STXBP4: variants seen among roughly 807,000 people sequenced by gnomAD.
STXBP4 encodes the protein syntaxin binding protein 4.
STXBP4 carries 55 observed loss-of-function variants against 76.1 expected under a neutral mutation model. That is an observed-to-expected ratio of 0.72 (90% confidence interval 0.58 to 0.91). The LOEUF (loss-of-function observed/expected upper bound fraction) is 0.91, where lower values mean the gene tolerates loss of function less well. Ranked by LOEUF, STXBP4 falls within the 40% of genes least tolerant of loss-of-function variation. STXBP4 has a pLI of 0.00. For synonymous variants in STXBP4, 201 were observed against 220.2 expected (o/e 0.91, Z 0.77); for missense variants, 618 against 636.9 (o/e 0.97, Z 0.32).
chr17:54,990,915 G>T lies in STXBP4; in HGVS notation c.138G>T (p.Leu46Phe). 1.9e-6 allele frequency: 3 copies of T among 1,603,200 alleles called. No individual in the cohort carries two copies. Among genetic ancestry groups the T allele is most frequent in the Middle Eastern group, 1.7e-4 (1 of 6,038 alleles). Residue 46 changes from leucine (L) to phenylalanine (F), a missense_variant, in exon 4 of 18, where the codon TTG (leucine) becomes TTT (phenylalanine). Coordinates refer to ENST00000376352, the MANE Select transcript of STXBP4 (RefSeq NM_178509.6). ...GAATTAACCGGAATGAAGGCCCATT[G>T]GTATATATTCAGGAAATTATTCCTG... ...LGGINRNEGP[L>F]VYIQEIIPGG...
At chr17:55,039,876 A>C (rs1043988651) in intron 10 of STXBP4, among the ~76,000 whole-genome samples, 1 of 152,170 alleles carries the variant, frequency 6.6e-6, no homozygotes, top group East Asian at 1.9e-4. Context: ...AGAGAGATTT[A>C]AGAAGCTGGC....
At position 55,000,945 on chromosome 17, in the gene STXBP4, G is replaced by T. The variant is rs1408157789; in HGVS notation, c.574+62G>T. On this transcript the variant is annotated intron_variant, in intron 7 of 17. Transcript: ENST00000376352. ...TTTCAATTCTCTCTCAATGAGGAGT[G>T]TGTAATGTGACTTAAGACTTTGAAG... 6 of 1,139,880 alleles carry T rather than the reference G, an allele frequency of 5.3e-6. No homozygotes were observed. The East Asian group carries it at 1.5e-4, about 28-fold the overall frequency. 70.6% of individuals were successfully genotyped at this position (1,139,880 alleles called of 1,614,324 possible). A position where few individuals can be genotyped will look rare whatever the true frequency, so the allele number is the denominator to read the frequency against.
chr17:55,059,848 T>G (rs1204019361), intron 12 of STXBP4, among the ~76,000 whole-genome samples: 1 of 152,116 alleles, frequency 6.6e-6, no homozygotes, highest in Non-Finnish European at 1.5e-5. Context: ...AAAAGGTCTA[T>G]GCAGAAGACA....
At chr17:55,198,943 G>C in the STXBP4 span, among the ~76,000 whole-genome samples, 1 of 152,116 alleles carries the variant, frequency 6.6e-6, no homozygotes, top group African/African-American at 2.4e-5. Flanking sequence ...TCACTCTTTG[G>C]AGTACTATAA....
At chr17:55,148,307 T>C (rs951192125) in intron 17 of STXBP4, among the ~76,000 whole-genome samples, 3 of 152,220 alleles carry the variant, frequency 2.0e-5, no homozygotes, top group African/African-American at 7.2e-5. Flanking sequence ...TTACATTGTG[T>C]CATCTCATTT....
At chr17:55,194,333 T>A in the STXBP4 span, among the ~76,000 whole-genome samples, 1 of 152,136 alleles carries the variant, frequency 6.6e-6, no homozygotes, top group East Asian at 1.9e-4. Context: ...GGCATTCTTA[T>A]TTGTGTGTGT....
intron 12 of STXBP4, among the ~76,000 whole-genome samples, chr17:55,060,451 T>C (rs1461386554): frequency 2.0e-5 from 3 of 152,130 alleles, no homozygotes; most frequent in African/African-American, 7.2e-5. Flanking sequence ...TGGCAGTTTC[T>C]TTCCTTTGAT....
chr17:55,205,467 C>A, the STXBP4 span, among the ~76,000 whole-genome samples: 1 of 151,690 alleles, frequency 6.6e-6, no homozygotes, highest in Non-Finnish European at 1.5e-5. Context: ...TTGTATAGGG[C>A]AAAAGATACC....
intron 16 of STXBP4, among the ~76,000 whole-genome samples, chr17:55,121,313 CTG>C (rs2079841398): frequency 6.6e-6 from 1 of 151,908 alleles, no homozygotes; most frequent in Non-Finnish European, 1.5e-5. Flanking sequence ...ATGTTTGACT[CTG>C]AGAAATTTTG....
chr17:54,995,547 A>T (rs1483380852), intron 4 of STXBP4, among the ~76,000 whole-genome samples: 3 of 152,088 alleles, frequency 2.0e-5, no homozygotes, highest in Non-Finnish European at 4.4e-5. Flanking sequence ...GTATGTACGT[A>T]TTTTTTCCTC....
At chr17:54,994,621 G>C (rs1427789072) in intron 4 of STXBP4, among the ~76,000 whole-genome samples, 1 of 152,036 alleles carries the variant, frequency 6.6e-6, no homozygotes, top group Non-Finnish European at 1.5e-5. Flanking sequence ...TTTTGAATCA[G>C]CCCTTTCAGT....
At chr17:55,001,522 A>C (rs2077915584) in intron 7 of STXBP4, among the ~76,000 whole-genome samples, 1 of 152,210 alleles carries the variant, frequency 6.6e-6, no homozygotes, top group African/African-American at 2.4e-5. Context: ...AGTTAAACAC[A>C]ACAATGATAA....
intron 17 of STXBP4, among the ~76,000 whole-genome samples, chr17:55,150,368 AT>A (rs1232546949): frequency 5.3e-5 from 8 of 152,190 alleles, no homozygotes; most frequent in African/African-American, 1.9e-4. Context: ...AGAGAGAGAT[AT>A]CTCTGGTGTC....
At chr17:54,970,220 G>A (rs1449882639) in intron 1 of STXBP4, among the ~76,000 whole-genome samples, 1 of 152,196 alleles carries the variant, frequency 6.6e-6, no homozygotes, top group Non-Finnish European at 1.5e-5. Flanking sequence ...ATGTCCAAGG[G>A]TTTGGATTTT....
At chr17:55,108,637 C>T (rs1387904503) in intron 16 of STXBP4, among the ~76,000 whole-genome samples, 2 of 152,164 alleles carry the variant, frequency 1.3e-5, no homozygotes, top group African/African-American at 2.4e-5. Flanking sequence ...CACAGTCCCT[C>T]GTGGCTTTCC....
chr17:54,999,320 T>C (rs1366064330), intron 4 of STXBP4, 25 bp from the exon 5 acceptor site: 12 of 1,567,764 alleles, frequency 7.7e-6, no homozygotes, highest in Non-Finnish European at 1.0e-5. Flanking sequence ...ATTAGTTCCT[T>C]TATAAATGTT....
In STXBP4 at chr17:55,160,994, A is replaced by C. The variant is rs535327163; in HGVS notation, c.*1083A>C. The C allele has an allele frequency of 2.0e-5, 3 of 152,216 alleles. No homozygotes were observed. Among genetic ancestry groups the C allele is most frequent in the African/African-American group, 4.8e-5 (2 of 41,454 alleles). 9.4% of individuals were successfully genotyped at this position (152,216 alleles called of 1,614,324 possible). On this transcript the variant is annotated 3_prime_UTR_variant, in exon 18 of 18. Transcript: ENST00000376352. ...TTAAAACATTACTGCTCTACTCGAA[A>C]CAAGATGGAAGCCTAAAGCCCAAGT... is the stretch of plus-strand genomic sequence containing the variant.
At chr17:55,127,427 G>C (rs2079924702) in intron 16 of STXBP4, among the ~76,000 whole-genome samples, 1 of 152,088 alleles carries the variant, frequency 6.6e-6, no homozygotes, top group Non-Finnish European at 1.5e-5. Context: ...GACTTTCTGG[G>C]GATGCATGTT....
chr17:55,087,807 T>C lies in STXBP4; in HGVS notation c.1489+6624T>C, dbSNP rs375487795. On this transcript the variant is annotated intron_variant, in intron 16 of 17. Coordinates refer to ENST00000376352, the MANE Select transcript of STXBP4 (RefSeq NM_178509.6). ...ATTGGTATTTTGATGGGTATTATAT[T>C]GAATGTGTAGATTGCTTTGGGTAGT... 1.6e-3 allele frequency among the ~76,000 whole-genome samples: 239 copies of C among 152,276 alleles called. 7 individuals are homozygous for C. In the South Asian group the frequency reaches 0.045, roughly 29 times the overall value.
Sources: gnomAD v4.1 joint callset for allele counts (sites outside exome capture counted in the v4.1 genomes callset) on GRCh38, gnomAD v4.1.1 for gene constraint, MANE v1.5 for transcripts, NCBI Gene and HGNC (gene_info 2026-07-23, HGNC 2026-07-21) for gene names.